MAML3: variants seen among roughly 807,000 people sequenced by gnomAD.
MAML3 encodes mastermind like transcriptional coactivator 3, also known as mastermind-like protein 3.
In MAML3, 27 loss-of-function variants were observed where a neutral mutation model predicts 101.9. That is an observed-to-expected ratio of 0.27 (90% CI 0.20 to 0.37). The LOEUF is 0.37. Among genes scored for constraint, MAML3 ranks in the 10% least tolerant of loss-of-function variants. The pLI, the probability that MAML3 is intolerant of heterozygous loss-of-function variation, is 1.00. For missense variants in MAML3, 1,316 were observed against 1,444.9 expected (o/e 0.91, Z 1.45); for synonymous variants, 501 against 555.9 (o/e 0.90, Z 1.39).
chr4:139,834,489 G>A (rs1370632280), intron 2 of MAML3, among the ~76,000 whole-genome samples: 1 of 152,228 alleles, frequency 6.6e-6, no homozygotes, highest in Non-Finnish European at 1.5e-5. Context: ...CCCTCTGTAA[G>A]ACAGCGCTTC....
chr4:140,021,150 C>T (rs972305362), intron 1 of MAML3, among the ~76,000 whole-genome samples: 1 of 152,190 alleles, frequency 6.6e-6, no homozygotes. Context: ...ACAACTGTAC[C>T]TGCTGGGACT....
At chr4:140,141,894 T>C (rs1415919254) in intron 1 of MAML3, among the ~76,000 whole-genome samples, 1 of 152,204 alleles carries the variant, frequency 6.6e-6, no homozygotes, top group Non-Finnish European at 1.5e-5. Context: ...TCCCGCCAAC[T>C]TTTTTCTCTT....
chr4:139,863,213 G>A (rs1223119349), intron 2 of MAML3, among the ~76,000 whole-genome samples: 1 of 151,444 alleles, frequency 6.6e-6, no homozygotes, highest in Non-Finnish European at 1.5e-5. Flanking sequence ...GGTGGGAGTT[G>A]ATATATGTGA....
chr4:139,985,853 A>G (rs1280201936), intron 1 of MAML3, among the ~76,000 whole-genome samples: 29 of 152,256 alleles, frequency 1.9e-4, no homozygotes, highest in Admixed American at 1.8e-3. Context: ...AAGATCTCCA[A>G]TGAGACCCTA....
chr4:139,751,243 A>G (rs1361859530), intron 2 of MAML3, among the ~76,000 whole-genome samples: 1 of 152,228 alleles, frequency 6.6e-6, no homozygotes, highest in Non-Finnish European at 1.5e-5. Context: ...TTAAAATATT[A>G]CTTGGAGTAG....
chr4:139,837,355 G>A (rs1490716737), intron 2 of MAML3, among the ~76,000 whole-genome samples: 2 of 151,744 alleles, frequency 1.3e-5, no homozygotes, highest in Non-Finnish European at 2.9e-5. Context: ...AAAATTAGCT[G>A]GGCCTGGTGG....
chr4:140,137,365 C>T (rs903239611), intron 1 of MAML3, among the ~76,000 whole-genome samples: 10 of 152,208 alleles, frequency 6.6e-5, no homozygotes, highest in African/African-American at 2.4e-4. Flanking sequence ...CTTCCTACAA[C>T]CTGTGCCACC....
At chr4:140,050,555 A>G (rs1276380274) in intron 1 of MAML3, among the ~76,000 whole-genome samples, 10 of 140,996 alleles carry the variant, frequency 7.1e-5, no homozygotes. Flanking sequence ...AGGTTCTCCA[A>G]AGCAGCCATG....
intron 2 of MAML3, among the ~76,000 whole-genome samples, chr4:139,833,503 GGGGGGCAGCCAA>G (rs545721230): frequency 1.1e-3 from 163 of 152,258 alleles, no homozygotes; most frequent in African/African-American, 3.7e-3. Context: ...GGAGGAAGAA[GGGGGGCAGCCAA>G]GGGGAAAGAG....
At chr4:139,829,020 A>C (rs868752803) in intron 2 of MAML3, among the ~76,000 whole-genome samples, 14 of 121,006 alleles carry the variant, frequency 1.2e-4, no homozygotes, top group Admixed American at 8.2e-5. Context: ...GAAGGAAGGA[A>C]GGACGGACGG....
chr4:140,132,186 GGAGAGGCACAGTCCAC>G (rs925889437), intron 1 of MAML3, among the ~76,000 whole-genome samples: 1 of 152,244 alleles, frequency 6.6e-6, no homozygotes, highest in African/African-American at 2.4e-5. Flanking sequence ...CAGAAAAGGA[GGAGAGGCACAGTCCAC>G]GAATGCTCGT....
Position 139,824,228 on chromosome 4 carries a change from A to G in MAML3, c.2079+65129T>C, listed in dbSNP as rs534162568. Among the ~76,000 whole-genome samples the G allele has an allele frequency of 7.9e-5, 12 of 152,336 alleles. No individual in the cohort carries two copies. The South Asian group carries it at 2.5e-3, about 32-fold the overall frequency. ...ATTCAAGGTTTTTGTTATACCTGCAAGTCGCTTATATTGCCACTAACTGCA... is the reference window on the plus strand; with the variant it reads ...ATTCAAGGTTTTTGTTATACCTGCAGGTCGCTTATATTGCCACTAACTGCA... On this transcript the variant is annotated intron_variant, in intron 2 of 4. Transcript: ENST00000509479.
intron 1 of MAML3, among the ~76,000 whole-genome samples, chr4:140,145,357 T>G (rs558489671): frequency 6.6e-6 from 1 of 152,322 alleles, no homozygotes; most frequent in African/African-American, 2.4e-5. Context: ...AATATTTCAC[T>G]TAAGTTTTCT....
intron 1 of MAML3, among the ~76,000 whole-genome samples, chr4:140,017,242 G>A (rs552550259): frequency 1.8e-4 from 27 of 152,176 alleles, no homozygotes; most frequent in African/African-American, 4.8e-4. Context: ...AATTAAGGCC[G>A]CAATGAGACA....
chr4:139,926,962 C>T (rs1383829781), intron 1 of MAML3, among the ~76,000 whole-genome samples: 1 of 152,220 alleles, frequency 6.6e-6, no homozygotes, highest in Non-Finnish European at 1.5e-5. Context: ...AACAATTCCT[C>T]AGTCTTTCCT....
chr4:140,057,994 C>G (rs1006192771), intron 1 of MAML3, among the ~76,000 whole-genome samples: 1 of 151,464 alleles, frequency 6.6e-6, no homozygotes, highest in Non-Finnish European at 1.5e-5. Context: ...CTTCCAGGTT[C>G]AGATGACTGA....
At chr4:139,775,359 GA>G (rs1486748874) in intron 2 of MAML3, among the ~76,000 whole-genome samples, 1 of 152,196 alleles carries the variant, frequency 6.6e-6, no homozygotes, top group Non-Finnish European at 1.5e-5. Flanking sequence ...CAAAGGATGA[GA>G]GTAACCCTTC....
At chr4:139,904,308 T>C (rs372640405) in intron 1 of MAML3, among the ~76,000 whole-genome samples, 1 of 152,366 alleles carries the variant, frequency 6.6e-6, no homozygotes, top group African/African-American at 2.4e-5. Flanking sequence ...GTGTCTTAGA[T>C]GGGTTTGGCT....
At chr4:139,752,117 C>T (rs1729521686) in intron 2 of MAML3, among the ~76,000 whole-genome samples, 1 of 152,150 alleles carries the variant, frequency 6.6e-6, no homozygotes, top group African/African-American at 2.4e-5. Flanking sequence ...GCAATTTCTA[C>T]AAAATGTTAC....
Sources: gnomAD v4.1 joint callset for allele counts (sites outside exome capture counted in the v4.1 genomes callset) on GRCh38, gnomAD v4.1.1 for gene constraint, MANE v1.5 for transcripts, NCBI Gene and HGNC (gene_info 2026-07-23, HGNC 2026-07-21) for gene names.